Variants in SNRK observed in about 807,000 individuals in gnomAD.
SNRK encodes the protein SNF-related serine/threonine-protein kinase.
A neutral mutation model predicts 48.2 loss-of-function variants in SNRK; 3 were observed. The ratio of observed to expected loss-of-function variants is 0.06; its 90% CI spans 0.03 to 0.16. SNRK has a LOEUF of 0.16. SNRK is among the 10% of genes least tolerant of loss of function. SNRK has a pLI of 1.00. For synonymous variants in SNRK, 376 were observed against 366.1 expected (o/e 1.03, Z -0.31); for missense variants, 627 against 976.0 (o/e 0.64, Z 4.76).
intron 3 of SNRK, among the ~76,000 whole-genome samples, chr3:43,306,268 C>CT (rs5848656): frequency 0.98 from 149,334 of 152,272 alleles, 73,293 homozygotes; most frequent in East Asian, 1. Context: ...TGTTAATCTA[C>CT]ATTAGTTTAT....
At chr3:43,339,851 AT>A (rs2091220985) in intron 4 of SNRK, among the ~76,000 whole-genome samples, 2 of 73,956 alleles carry the variant, frequency 2.7e-5, no homozygotes, top group Admixed American at 1.4e-4. Context: ...ATATATATAT[AT>A]ATATATATAT....
intron 1 of SNRK, among the ~76,000 whole-genome samples, chr3:43,296,203 T>C (rs1313160475): frequency 6.6e-6 from 1 of 151,994 alleles, no homozygotes; most frequent in African/African-American, 2.4e-5. Flanking sequence ...GTTGGTAATA[T>C]CATTGAGAGA....
chr3:43,331,542 G>A (rs2091146292), intron 3 of SNRK, among the ~76,000 whole-genome samples: 1 of 152,166 alleles, frequency 6.6e-6, no homozygotes, highest in Admixed American at 6.5e-5. Flanking sequence ...TTCTGGTATT[G>A]TAACGGCTCC....
Sources: gnomAD v4.1 joint callset for allele counts (sites outside exome capture counted in the v4.1 genomes callset) on GRCh38, gnomAD v4.1.1 for gene constraint, MANE v1.5 for transcripts, NCBI Gene and HGNC (gene_info 2026-07-23, HGNC 2026-07-21) for gene names.